CLCC1: variants seen among roughly 807,000 people sequenced by gnomAD.
The protein encoded by CLCC1 is chloride channel CLIC like 1.
In CLCC1, 39 loss-of-function variants were observed where a neutral mutation model predicts 63.3. The ratio of observed to expected loss-of-function variants is 0.62; its 90% CI spans 0.48 to 0.81. The LOEUF (loss-of-function observed/expected upper bound fraction) is 0.81. Ranked by LOEUF, CLCC1 falls within the 30% of genes least tolerant of loss-of-function variation. The pLI, the probability that CLCC1 is intolerant of heterozygous loss-of-function variation, is 0.00. For synonymous variants in CLCC1, 217 were observed against 239.8 expected (o/e 0.90, Z 0.88); for missense variants, 549 against 669.4 (o/e 0.82, Z 1.98).
At position 108,934,699 on chromosome 1, in the gene CLCC1, G is replaced by A. The variant is rs1428897178; in HGVS notation, c.1627C>T (p.Gln543Ter). 1.2e-6 allele frequency: 2 copies of A among 1,613,648 alleles called. No individual in the cohort carries two copies. Among genetic ancestry groups the A allele is most frequent in the African/African-American group, 1.3e-5 (1 of 74,918 alleles). The change falls in exon 12 of 13, where the codon CAG (glutamine) becomes TAG (stop). Residue 543 changes from glutamine to a stop codon, truncating the protein, a stop_gained. Coordinates refer to ENST00000369969, the MANE Select transcript of CLCC1 (RefSeq NM_001377458.1). LOFTEE classifies it high-confidence loss of function. ...CCACAGGGGCTGCTGACCGGATCCT[G>A]TCCACGTGGTCCAGCCACACCTCTT... ...PARGVAGPRG[Q>*]DPVSSPCG
At chr1:108,961,839 A>G (rs1007342206) in intron 2 of CLCC1, among the ~76,000 whole-genome samples, 3 of 152,144 alleles carry the variant, frequency 2.0e-5, no homozygotes, top group Non-Finnish European at 4.4e-5. Context: ...AGCCTGGGCA[A>G]CAAGAGCAAA....
rs555378759 is a variant in CLCC1 at position 108,962,330 on chromosome 1, C to T, written c.-33G>A. On this transcript the variant is annotated 5_prime_UTR_variant, in exon 2 of 13. Transcript: ENST00000369969. The stretch of plus-strand genomic sequence containing the variant: ...TAACCTGGATTAGTAGAGTCAAATC[C>T]TGTTTTAGACTAGAAGTACCAGGGT... 3.9e-5 allele frequency: 6 copies of T among 152,164 alleles called. No homozygotes were observed. Among genetic ancestry groups the T allele is most frequent in the Non-Finnish European group, 8.8e-5 (6 of 68,032 alleles). 9.4% of individuals were successfully genotyped at this position (152,164 alleles called of 1,614,324 possible). A position where few individuals can be genotyped will look rare whatever the true frequency, so the allele number is the denominator to read the frequency against.
At chr1:108,939,291 A>AAT (rs1557892474) in intron 10 of CLCC1, among the ~76,000 whole-genome samples, 7 of 146,270 alleles carry the variant, frequency 4.8e-5, no homozygotes, top group Admixed American at 2.1e-4. Flanking sequence ...TAGATATATA[A>AAT]ATATACATAT....
chr1:108,935,003 C>T, intron 11 of CLCC1, 61 bp from the exon 12 acceptor site: 6 of 1,499,830 alleles, frequency 4.0e-6, no homozygotes, highest in Non-Finnish European at 5.4e-6. Context: ...AGTAATCAAA[C>T]ATATCTAAAA....
chr1:108,959,099 G>A (rs1360143203), intron 2 of CLCC1, among the ~76,000 whole-genome samples: 3 of 152,148 alleles, frequency 2.0e-5, no homozygotes, highest in Non-Finnish European at 2.9e-5. Flanking sequence ...ACTTGAACCC[G>A]GGAGGCGGAG....
At chr1:108,955,590 T>C (rs1655783595) in intron 2 of CLCC1, among the ~76,000 whole-genome samples, 1 of 151,494 alleles carries the variant, frequency 6.6e-6, no homozygotes, top group African/African-American at 2.5e-5. Flanking sequence ...CCTAGAGAAC[T>C]GCAAAGCATT....
chr1:108,959,038 G>A (rs1200094713), intron 2 of CLCC1, among the ~76,000 whole-genome samples: 3 of 151,800 alleles, frequency 2.0e-5, no homozygotes, highest in Non-Finnish European at 4.4e-5. Context: ...GCCGAGCGTG[G>A]TGGCACATGC....
chr1:108,938,221 G>T (rs1653306250), intron 10 of CLCC1, among the ~76,000 whole-genome samples: 1 of 152,160 alleles, frequency 6.6e-6, no homozygotes, highest in Admixed American at 6.5e-5. Context: ...GAGGTCCTGA[G>T]AACAGAAACT....
chr1:108,937,510 G>T, intron 10 of CLCC1, 92 bp from the exon 11 acceptor site: 1 of 1,081,204 alleles, frequency 9.2e-7, no homozygotes, highest in Non-Finnish European at 1.3e-6. Flanking sequence ...ACAAAGTTAT[G>T]TAATTTAACT....
intron 2 of CLCC1, among the ~76,000 whole-genome samples, chr1:108,961,808 G>A (rs752734369): frequency 1.3e-5 from 2 of 151,910 alleles, no homozygotes; most frequent in South Asian, 2.1e-4. Context: ...GCGGTGAGCC[G>A]AGATCGCGCC....
At chr1:108,961,950 T>C (rs1024283979) in intron 2 of CLCC1, among the ~76,000 whole-genome samples, 2 of 152,188 alleles carry the variant, frequency 1.3e-5, no homozygotes, top group African/African-American at 2.4e-5. Context: ...GTAGTACTCT[T>C]ATCTTCACTC....
At chr1:108,940,673 A>T (rs1339802909) in intron 8 of CLCC1, among the ~76,000 whole-genome samples, 1 of 152,218 alleles carries the variant, frequency 6.6e-6, no homozygotes, top group East Asian at 1.9e-4. Context: ...AAAGTGGAAT[A>T]TTAGTTCTAA....
At chr1:108,949,543 C>T (rs759066755) in intron 4 of CLCC1, among the ~76,000 whole-genome samples, 7 of 152,130 alleles carry the variant, frequency 4.6e-5, no homozygotes, top group South Asian at 2.1e-4. Context: ...ATCAATAAAA[C>T]GTATTCCTTG....
chr1:108,956,929 T>A (rs554793233), intron 2 of CLCC1, among the ~76,000 whole-genome samples: 1 of 100,802 alleles, frequency 9.9e-6, no homozygotes, highest in African/African-American at 3.7e-5. Flanking sequence ...TAGACCACAG[T>A]AAAGAGTGTG....
chr1:108,936,085 GTTTTT>G (rs530980387), intron 11 of CLCC1, among the ~76,000 whole-genome samples: 2,629 of 88,066 alleles, frequency 0.03, 27 homozygotes, highest in African/African-American at 0.097. Flanking sequence ...ATCTTAAGTT[GTTTTT>G]TTTTTTTTTT....
At chr1:108,939,831 A>C in intron 9 of CLCC1, 49 bp from the exon 10 acceptor site, 1 of 1,569,704 alleles carries the variant, frequency 6.4e-7, no homozygotes, top group Non-Finnish European at 8.7e-7. Flanking sequence ...GGACTAAGGT[A>C]CAGAATGCAT....
chr1:108,951,687 G>A (rs1456866112), intron 2 of CLCC1, among the ~76,000 whole-genome samples: 1 of 152,000 alleles, frequency 6.6e-6, no homozygotes, highest in Non-Finnish European at 1.5e-5. Context: ...GTTTCCTTTT[G>A]AGGTAATGAA....
Position 108,931,643 on chromosome 1 carries a change from AGTTCT to A in CLCC1, c.*899_*903del. On this transcript the variant is annotated 3_prime_UTR_variant, in exon 13 of 13. Coordinates refer to ENST00000369969, the MANE Select transcript of CLCC1 (RefSeq NM_001377458.1). The stretch of plus-strand genomic sequence containing the variant: ...AGTGCTCAGCTAAAAAAAAAAAAAA[AGTTCT>A]AAATTACAACCTGGATTACATTATG... 3.0e-5 allele frequency: 29 copies of A among 978,634 alleles called. No individual in the cohort carries two copies. Among genetic ancestry groups the A allele is most frequent in the Non-Finnish European group, 3.8e-5 (27 of 701,624 alleles). 60.6% of individuals were successfully genotyped at this position (978,634 alleles called of 1,614,324 possible).
At position 108,944,085 on chromosome 1, in the gene CLCC1, AAT is replaced by A. The variant is rs746612464; in HGVS notation, c.340-30_340-29del. 2.7e-6 allele frequency: 4 copies of A among 1,494,590 alleles called. No homozygotes were observed. The African/African-American group carries it at 5.6e-5, about 21-fold the overall frequency. The allele number at this position is 1,494,590 out of a possible 1,614,324, so 92.6% of individuals were successfully genotyped here. A position where few individuals can be genotyped will look rare whatever the true frequency, so the allele number is the denominator to read the frequency against. The stretch of plus-strand genomic sequence containing the variant: ...AAATTAAATTTACCAAAAAACAAAC[AAT>A]AGAAAGAGAATTTTATTACTACTTG... On this transcript the variant is annotated intron_variant, in intron 5 of 12. Transcript: ENST00000369969.
Sources: allele counts gnomAD v4.1 joint callset (sites outside exome capture counted in the v4.1 genomes callset), GRCh38; gene constraint gnomAD v4.1.1; transcripts MANE v1.5; gene names NCBI Gene and HGNC (gene_info 2026-07-23, HGNC 2026-07-21).